The following MAGOH variants were observed in gnomAD, a reference collection of about 807,000 sequenced individuals.
MAGOH encodes protein mago nashi homolog.
MAGOH carries 3 observed loss-of-function variants against 20.9 expected under a neutral mutation model. The ratio of observed to expected loss-of-function variants is 0.14; its 90% CI spans 0.07 to 0.37. MAGOH has a LOEUF of 0.37. Among genes scored for constraint, MAGOH ranks in the 10% least tolerant of loss-of-function variants. MAGOH has a pLI of 1.00. For synonymous variants in MAGOH, 51 were observed against 61.0 expected (o/e 0.84, Z 0.76); for missense variants, 66 against 178.1 (o/e 0.37, Z 3.58).
At chr1:53,235,438 A>C in intron 2 of MAGOH, 139 bp downstream of exon 2, 1 of 699,162 alleles carries the variant, frequency 1.4e-6, no homozygotes. Context: ...TTTGGGAAAT[A>C]ATCCAGAAGC....
intron 2 of MAGOH, 133 bp downstream of exon 2, chr1:53,235,444 G>A: frequency 1.4e-6 from 1 of 727,010 alleles, no homozygotes. Context: ...AAATAATCCA[G>A]AAGCTGTCTA....
At chr1:53,233,406 C>A in intron 3 of MAGOH, 136 bp downstream of exon 3, 1 of 574,568 alleles carries the variant, frequency 1.7e-6, no homozygotes, top group Non-Finnish European at 3.2e-6. Context: ...TGTTCTATTT[C>A]TCTTTGTATC....
chr1:53,229,047 G>T, intron 3 of MAGOH, 93 bp from the exon 4 acceptor site: 2 of 823,810 alleles, frequency 2.4e-6, no homozygotes. Flanking sequence ...ACACAAACTT[G>T]ACTACAGATG....
chr1:53,238,009 T>C (rs913343097), intron 1 of MAGOH, among the ~76,000 whole-genome samples: 15 of 152,218 alleles, frequency 9.9e-5, no homozygotes, highest in African/African-American at 3.6e-4. Flanking sequence ...GCAATTATTC[T>C]ACCATGTTAT....
At chr1:53,233,284 A>C in intron 3 of MAGOH, 1 of 292,838 alleles carries the variant, frequency 3.4e-6, no homozygotes, top group Non-Finnish European at 6.3e-6. Flanking sequence ...TAGTTACCAA[A>C]ATGGTGCTCA....
At chr1:53,236,733 C>T (rs531006069) in intron 1 of MAGOH, among the ~76,000 whole-genome samples, 12 of 152,312 alleles carry the variant, frequency 7.9e-5, no homozygotes, top group African/African-American at 2.9e-4. Context: ...TTTATCACTG[C>T]TTACAAATCT....
intron 3 of MAGOH, among the ~76,000 whole-genome samples, chr1:53,232,102 T>C (rs576580678): frequency 1.2e-4 from 18 of 152,272 alleles, no homozygotes; most frequent in African/African-American, 3.4e-4. Context: ...AACGAGTTAA[T>C]AGAAATAAAA....
rs375024656 is a variant in MAGOH, at chr1:53,233,032, C to G, written c.258+510G>C. On this transcript the variant is annotated intron_variant, in intron 3 of 4. Coordinates refer to ENST00000371470, the MANE Select transcript of MAGOH (RefSeq NM_002370.4). ...AGGAGAATCGCTTGAACCCAGGAGG[C>G]AGAGGTTACAGTGAGCTGAGATTAT... is the stretch of plus-strand genomic sequence containing the variant. 260 of 152,398 alleles carry G rather than the reference C, an allele frequency of 1.7e-3. 3 individuals carry two copies. The South Asian group carries it at 0.021, about 12-fold the overall frequency. 9.4% of individuals were successfully genotyped at this position (152,398 alleles called of 1,614,324 possible).
At chr1:53,230,210 T>C (rs13375749) in intron 3 of MAGOH, among the ~76,000 whole-genome samples, 30,122 of 152,182 alleles carry the variant, frequency 0.2, 3,124 homozygotes, top group Middle Eastern at 0.22. Flanking sequence ...TCTTTTTGAT[T>C]CATATATCCT....
intron 2 of MAGOH, among the ~76,000 whole-genome samples, chr1:53,234,342 G>C (rs1645601121): frequency 6.6e-6 from 1 of 151,428 alleles, no homozygotes; most frequent in African/African-American, 2.4e-5. Flanking sequence ...CAGCAAAAAA[G>C]AGACTGCGAC....
At chr1:53,229,633 A>G (rs1645576639) in intron 3 of MAGOH, among the ~76,000 whole-genome samples, 1 of 152,166 alleles carries the variant, frequency 6.6e-6, no homozygotes, top group Non-Finnish European at 1.5e-5. Context: ...ATACCAAACA[A>G]TTGGACTGGG....
chr1:53,227,466 C>T (rs1645566084), intron 4 of MAGOH, among the ~76,000 whole-genome samples: 1 of 151,576 alleles, frequency 6.6e-6, no homozygotes, highest in Non-Finnish European at 1.5e-5. Flanking sequence ...TTTCCCCTTT[C>T]TACTTTTCTA....
chr1:53,230,941 CAAG>C (rs1371478931), intron 3 of MAGOH, among the ~76,000 whole-genome samples: 7 of 152,114 alleles, frequency 4.6e-5, no homozygotes, highest in Non-Finnish European at 8.8e-5. Context: ...AACAATGTAG[CAAG>C]AATATTCTTC....
chr1:53,230,581 T>C (rs1645581514), intron 3 of MAGOH, among the ~76,000 whole-genome samples: 1 of 151,740 alleles, frequency 6.6e-6, no homozygotes, highest in Non-Finnish European at 1.5e-5. Flanking sequence ...CCACGCCCAG[T>C]TAATTTTTAG....
At chr1:53,229,011 C>G in intron 3 of MAGOH, 57 bp from the exon 4 acceptor site, 1 of 1,179,638 alleles carries the variant, frequency 8.5e-7, no homozygotes, top group Non-Finnish European at 1.3e-6. Flanking sequence ...ATCAAGCACA[C>G]AGAAGGATTA....
intron 1 of MAGOH, among the ~76,000 whole-genome samples, chr1:53,237,673 C>CAAA (rs1231950502): frequency 6.3e-4 from 35 of 55,322 alleles, no homozygotes; most frequent in East Asian, 6.1e-3. Context: ...AAAGCCGTCT[C>CAAA]AAAAAAAAAA....
chr1:53,233,634 C>T lies in MAGOH; in HGVS notation c.166G>A (p.Val56Met). 6.2e-7 allele frequency: 1 copy of T among 1,612,926 alleles called. No homozygotes were observed. Among genetic ancestry groups the T allele is most frequent in the Non-Finnish European group, 8.5e-7 (1 of 1,178,942 alleles). ...IRKEAYVHKS[V>M]MEELKRIIDD... ...ATTATTCTCTTCAGTTCCTCCATCA[C>T]GCTTTTATGTACATAAGCCTGAACG... The change falls in exon 3 of 5, where the codon GTG becomes ATG. Residue 56 changes from valine (V) to methionine (M), a missense_variant. Physicochemically the swap from Val to Met is conservative, Grantham distance 21 (BLOSUM62 1). Coordinates refer to ENST00000371470, the MANE Select transcript of MAGOH (RefSeq NM_002370.4).
intron 2 of MAGOH, 79 bp downstream of exon 2, chr1:53,235,498 T>C (rs1269305686): frequency 1.6e-6 from 2 of 1,226,712 alleles, no homozygotes; most frequent in African/African-American, 3.0e-5. Context: ...TCAATACTAC[T>C]AGAAACAATA....
Position 53,227,005 on chromosome 1 carries a change from C to A in MAGOH, c.*40G>T. On this transcript the variant is annotated 3_prime_UTR_variant, in exon 5 of 5. Transcript: ENST00000371470. ...ACTGCCCTGATATACACAAAATTTT[C>A]TACTCCCACCCACCCCCCATGTCCA... 9.4e-7 allele frequency: 1 copy of A among 1,061,358 alleles called. No individual in the cohort carries two copies. The highest frequency in any genetic ancestry group is 2.4e-5 in the Admixed American group (1 of 42,150). 65.7% of individuals were successfully genotyped at this position (1,061,358 alleles called of 1,614,324 possible).
Sources: gnomAD v4.1 joint callset for allele counts (sites outside exome capture counted in the v4.1 genomes callset) on GRCh38, gnomAD v4.1.1 for gene constraint, MANE v1.5 for transcripts, NCBI Gene and HGNC (gene_info 2026-07-23, HGNC 2026-07-21) for gene names.